The following TIMP2 variants were observed in gnomAD, a reference collection of about 807,000 sequenced individuals.
TIMP2 encodes the protein metalloproteinase inhibitor 2.
Under a neutral mutation model 24.3 loss-of-function variants are expected in TIMP2, and 5 were observed. The ratio of observed to expected loss-of-function variants is 0.21; its 90% CI spans 0.11 to 0.43. TIMP2 has a LOEUF of 0.43. Among genes scored for constraint, TIMP2 ranks in the 20% least tolerant of loss-of-function variants. The pLI, the probability that TIMP2 is intolerant of heterozygous loss-of-function variation, is 1.00. For missense variants in TIMP2, 221 were observed against 297.5 expected (o/e 0.74, Z 1.89); for synonymous variants, 130 against 123.2 (o/e 1.06, Z -0.37).
At chr17:78,890,133 A>G (rs1195983248) in intron 1 of TIMP2, among the ~76,000 whole-genome samples, 1 of 152,004 alleles carries the variant, frequency 6.6e-6, no homozygotes, top group Admixed American at 6.5e-5. Context: ...CAATCAATCA[A>G]TAAAGGCAAG....
chr17:78,923,396 T>TGGGGGGGGGGGG (rs1255104339), intron 1 of TIMP2, among the ~76,000 whole-genome samples: 11 of 47,692 alleles, frequency 2.3e-4, no homozygotes, highest in East Asian at 7.8e-4. Flanking sequence ...TGGGGCGGGG[T>TGGGGGGGGGGGG]GGGGGGGGGG....
chr17:78,925,021 G>T lies in TIMP2; in HGVS notation c.68C>A (p.Pro23Gln). ...GLLLLATLLR[P>Q]ADACSCSPVH... Reference sequence around the variant, plus strand: ...CGGGGAGCAGCTGCAGGCGTCGGCCGGGCGAAGCAGCGTCGCCAGCAGCAG... The same window carrying T: ...CGGGGAGCAGCTGCAGGCGTCGGCCTGGCGAAGCAGCGTCGCCAGCAGCAG... Residue 23 changes from proline (P) to glutamine (Q), a missense_variant, in exon 1 of 5, where the codon CCG becomes CAG. Coordinates refer to ENST00000262768, the MANE Select transcript of TIMP2 (RefSeq NM_003255.5). 1 of 1,280,456 alleles carries T rather than the reference G, an allele frequency of 7.8e-7. No homozygotes were observed. The highest frequency in any genetic ancestry group is 3.5e-5 in the Admixed American group (1 of 28,672). 79.3% of individuals were successfully genotyped at this position (1,280,456 alleles called of 1,614,324 possible).
At chr17:78,915,843 TCTG>T (rs1239119517) in intron 1 of TIMP2, among the ~76,000 whole-genome samples, 3 of 152,204 alleles carry the variant, frequency 2.0e-5, no homozygotes, top group Admixed American at 1.3e-4. Context: ...CTTCTTTTAC[TCTG>T]CTATTTCCTA....
rs2070340452 is a variant in TIMP2, at chr17:78,925,120, G to A, written c.-32C>T. 4.7e-6 allele frequency: 4 copies of A among 844,832 alleles called. No homozygotes were observed. The highest frequency in any genetic ancestry group is 1.0e-4 in the South Asian group (2 of 19,180). 52.3% of individuals were successfully genotyped at this position (844,832 alleles called of 1,614,324 possible). ...CCGGGGGGCTGGGCGGGCGGGGGCC[G>A]CCGCTGGGGGGTCCGGGCGCTGCTC... On this transcript the variant is annotated 5_prime_UTR_variant, in exon 1 of 5. Coordinates refer to ENST00000262768, the MANE Select transcript of TIMP2 (RefSeq NM_003255.5).
At chr17:78,875,144 C>T (rs986547555) in intron 1 of TIMP2, among the ~76,000 whole-genome samples, 2 of 152,190 alleles carry the variant, frequency 1.3e-5, no homozygotes, top group Admixed American at 1.3e-4. Context: ...TCCCAAAGTG[C>T]TGAGATTACA....
At chr17:78,874,204 C>T (rs943310845) in intron 1 of TIMP2, 1 of 434,372 alleles carries the variant, frequency 2.3e-6, no homozygotes, top group African/African-American at 2.0e-5. Context: ...TCCCTTGTGA[C>T]CAAGGCAGTT....
chr17:78,912,305 C>T (rs1007959374), intron 1 of TIMP2, among the ~76,000 whole-genome samples: 7 of 152,222 alleles, frequency 4.6e-5, no homozygotes, highest in Non-Finnish European at 1.0e-4. Context: ...TCCAGGCCTC[C>T]GCTACCATGA....
intron 1 of TIMP2, among the ~76,000 whole-genome samples, chr17:78,885,787 A>T (rs1177404439): frequency 6.6e-6 from 1 of 152,180 alleles, no homozygotes; most frequent in Admixed American, 6.5e-5. Context: ...TGGCAGAGCC[A>T]GGGCTCCAAC....
chr17:78,889,792 A>G lies in TIMP2; in HGVS notation c.131-15873T>C, dbSNP rs377114828. Among the ~76,000 whole-genome samples the G allele has an allele frequency of 1.1e-4, 16 of 152,260 alleles. 3 individuals carry two copies. Among genetic ancestry groups the G allele is most frequent in the East Asian group, 3.9e-4 (2 of 5,178 alleles). ...AACCCACACGGGTTCCTATTTTTGTATATAGGTGGTTTCCCAAAAGGGACT... is the reference window on the plus strand; with the variant it reads ...AACCCACACGGGTTCCTATTTTTGTGTATAGGTGGTTTCCCAAAAGGGACT... On this transcript the variant is annotated intron_variant, in intron 1 of 4. Coordinates refer to ENST00000262768, the MANE Select transcript of TIMP2 (RefSeq NM_003255.5).
At chr17:78,892,432 A>G in intron 1 of TIMP2, 4 of 1,550,018 alleles carry the variant, frequency 2.6e-6, no homozygotes, top group South Asian at 1.2e-5. Context: ...CTGAGGAGCC[A>G]CAGAAGCCAC....
intron 1 of TIMP2, 120 bp from the exon 2 acceptor site, chr17:78,874,039 T>A: frequency 1.2e-6 from 1 of 819,992 alleles, no homozygotes; most frequent in Non-Finnish European, 2.0e-6. Context: ...AGCAGCAAGG[T>A]GCGAGACGGG....
At chr17:78,897,084 C>T in intron 1 of TIMP2, 1 of 770,910 alleles carries the variant, frequency 1.3e-6, no homozygotes, top group Non-Finnish European at 1.6e-6. Context: ...GTGCCAGGGC[C>T]CACAGACAGC....
At chr17:78,876,691 T>TC (rs1273051114) in intron 1 of TIMP2, among the ~76,000 whole-genome samples, 1 of 151,800 alleles carries the variant, frequency 6.6e-6, no homozygotes, top group African/African-American at 2.4e-5. Flanking sequence ...TAATTTTTTT[T>TC]TTTTTTGGTA....
At position 78,857,467 on chromosome 17, in the gene TIMP2, C is replaced by G. The variant is rs1242098135; in HGVS notation, c.465+55G>C. The G allele has an allele frequency of 2.5e-6, 4 of 1,609,516 alleles. 1 individual carries two copies. In the South Asian group the frequency reaches 3.3e-5, roughly 13 times the overall value. On this transcript the variant is annotated intron_variant, in intron 4 of 4. Coordinates refer to ENST00000262768, the MANE Select transcript of TIMP2 (RefSeq NM_003255.5). ...AGCCAGGGATCAAAATCCCTGCCGT[C>G]CATCTGGAGACACTGGGAGGAGGCG...
At chr17:78,912,023 C>T (rs2070213683) in intron 1 of TIMP2, among the ~76,000 whole-genome samples, 1 of 151,672 alleles carries the variant, frequency 6.6e-6, no homozygotes, top group African/African-American at 2.4e-5. Flanking sequence ...AAGATTGTGC[C>T]ACTGCACTCC....
chr17:78,890,736 G>A (rs759440158), intron 1 of TIMP2: 18 of 1,550,628 alleles, frequency 1.2e-5, no homozygotes, highest in African/African-American at 8.2e-5. Context: ...TGCTGGTCTC[G>A]GATCATCTGA....
intron 1 of TIMP2, among the ~76,000 whole-genome samples, chr17:78,919,104 TG>T (rs2070288211): frequency 6.6e-6 from 1 of 152,252 alleles, no homozygotes; most frequent in Non-Finnish European, 1.5e-5. Flanking sequence ...ATGCCAACTT[TG>T]GCGGGCGGCA....
chr17:78,909,334 G>A (rs1251843946), intron 1 of TIMP2, among the ~76,000 whole-genome samples: 4 of 151,612 alleles, frequency 2.6e-5, no homozygotes, highest in South Asian at 2.1e-4. Context: ...CAGCCTGGGC[G>A]ACAGAGCAAG....
intron 3 of TIMP2, among the ~76,000 whole-genome samples, chr17:78,862,311 C>T (rs933319806): frequency 2.0e-5 from 3 of 152,204 alleles, no homozygotes; most frequent in African/African-American, 7.2e-5. Context: ...TCTATCCTGA[C>T]TCGAGGCAAA....
Sources: gnomAD v4.1 joint callset for allele counts (sites outside exome capture counted in the v4.1 genomes callset) on GRCh38, gnomAD v4.1.1 for gene constraint, MANE v1.5 for transcripts, NCBI Gene and HGNC (gene_info 2026-07-23, HGNC 2026-07-21) for gene names.